CLMN: variants seen among roughly 807,000 people sequenced by gnomAD.
CLMN encodes calmin, also known as calmin (calponin-like, transmembrane).
Under a neutral mutation model 92.7 loss-of-function variants are expected in CLMN, and 57 were observed. The observed-to-expected ratio is 0.61, with a 90% CI of 0.50 to 0.77. CLMN has a LOEUF of 0.77. Ranked by LOEUF, CLMN falls within the 30% of genes least tolerant of loss-of-function variation. CLMN has a pLI of 0.00. For missense variants in CLMN, 1,158 were observed against 1,237.5 expected, an observed-to-expected ratio of 0.94 and a Z score of 0.96; for synonymous variants, 466 against 470.6, an observed-to-expected ratio of 0.99 and a Z score of 0.13.
In CLMN at chr14:95,246,052, T is replaced by C. The variant is rs140840017; in HGVS notation, c.83-15919A>G. On this transcript the variant is annotated intron_variant, in intron 1 of 12. Coordinates refer to ENST00000298912, the MANE Select transcript of CLMN (RefSeq NM_024734.4). ...TTATTTTTTGCATATTCTGATGTTG[T>C]GACATCTGGGACTCTGCTAATACTA... Among the ~76,000 whole-genome samples, 4 of 152,344 alleles carry C rather than the reference T, an allele frequency of 2.6e-5. No homozygotes were observed. The East Asian group carries it at 7.7e-4, about 29-fold the overall frequency.
intron 1 of CLMN, among the ~76,000 whole-genome samples, chr14:95,275,438 C>T (rs1039395333): frequency 7.2e-5 from 11 of 152,160 alleles, no homozygotes; most frequent in African/African-American, 2.4e-4. Flanking sequence ...CTACAAGACA[C>T]TCCCACCAGC....
intron 1 of CLMN, among the ~76,000 whole-genome samples, chr14:95,304,538 C>A (rs539925056): frequency 2.0e-5 from 3 of 152,074 alleles, no homozygotes; most frequent in African/African-American, 4.8e-5. Context: ...TCCCCTCCCC[C>A]ACATCTCCCA....
chr14:95,200,520 G>A (rs1289919176), intron 9 of CLMN, among the ~76,000 whole-genome samples: 1 of 152,162 alleles, frequency 6.6e-6, no homozygotes. Flanking sequence ...ATCCAGCAGG[G>A]CATGGCCAAT....
intron 1 of CLMN, among the ~76,000 whole-genome samples, chr14:95,273,077 C>G (rs1899777825): frequency 6.6e-6 from 1 of 152,196 alleles, no homozygotes; most frequent in Non-Finnish European, 1.5e-5. Context: ...CCCCTACACA[C>G]TATTTAGCAT....
chr14:95,245,259 A>T (rs1898494171), intron 1 of CLMN, among the ~76,000 whole-genome samples: 1 of 41,758 alleles, frequency 2.4e-5, no homozygotes, highest in Non-Finnish European at 3.8e-5. Flanking sequence ...TATATAATAT[A>T]TATATATATA....
Position 95,187,908 on chromosome 14 carries a change from A to T in CLMN, c.*3656T>A, listed in dbSNP as rs530571323. ...AAGGTGTCCTTTGCCAGTCAAGCCA[A>T]GTGCTCATGGGGACTTCTGCCCAGA... On this transcript the variant is annotated 3_prime_UTR_variant, in exon 13 of 13. Transcript: ENST00000298912. 6.6e-6 allele frequency: 1 copy of T among 152,384 alleles called. No homozygotes were observed. The highest frequency in any genetic ancestry group is 1.5e-5 in the Non-Finnish European group (1 of 68,050). The allele number at this position is 152,384 out of a possible 1,614,324, so 9.4% of individuals were successfully genotyped here.
At chr14:95,264,632 C>G (rs1184293110) in intron 1 of CLMN, among the ~76,000 whole-genome samples, 1 of 152,166 alleles carries the variant, frequency 6.6e-6, no homozygotes, top group African/African-American at 2.4e-5. Context: ...GGAAAGCCCC[C>G]ACTTCTATGA....
chr14:95,205,166 G>A (rs1332417726), intron 8 of CLMN, among the ~76,000 whole-genome samples: 1 of 152,184 alleles, frequency 6.6e-6, no homozygotes, highest in East Asian at 1.9e-4. Flanking sequence ...TATTGACGCT[G>A]ATATGATCAA....
intron 1 of CLMN, among the ~76,000 whole-genome samples, chr14:95,261,751 A>G (rs992797534): frequency 2.0e-5 from 3 of 152,244 alleles, no homozygotes; most frequent in African/African-American, 7.2e-5. Context: ...CCACAGGTCC[A>G]CCCGCTCCTC....
intron 1 of CLMN, among the ~76,000 whole-genome samples, chr14:95,262,114 G>A (rs188015419): frequency 6.6e-5 from 10 of 152,288 alleles, no homozygotes; most frequent in East Asian, 1.9e-4. Flanking sequence ...AACTCTCCAC[G>A]TGTCTCCCCA....
rs557309984 is a variant in CLMN at position 95,186,670 on chromosome 14, T to A, written c.*4894A>T. ...ACCTCAAAGTCATGGGCTCAAACAA[T>A]TCTCCTGCCTCATCCTCCTGAGTAG... On this transcript the variant is annotated 3_prime_UTR_variant, in exon 13 of 13. Coordinates refer to ENST00000298912, the MANE Select transcript of CLMN (RefSeq NM_024734.4). The A allele has an allele frequency of 6.6e-6, 1 of 152,340 alleles. No individual in the cohort carries two copies. The highest frequency in any genetic ancestry group is 2.4e-5 in the African/African-American group (1 of 41,566). 9.4% of individuals were successfully genotyped at this position (152,340 alleles called of 1,614,324 possible).
rs746520394 is a variant in CLMN, at chr14:95,203,505, T to C, written c.1844A>G (p.Lys615Arg). ...LGKRSIKSAHKKKDSPEPQVK... is the reference protein window; with the variant it reads ...LGKRSIKSAHRKKDSPEPQVK... Reference sequence around the variant, plus strand: ...TTGAGGCTCTGGCGAATCCTTCTTTTTGTGAGCAGATTTAATACTCCTTTT... The same window carrying C: ...TTGAGGCTCTGGCGAATCCTTCTTTCTGTGAGCAGATTTAATACTCCTTTT... The change falls in exon 9 of 13, where the codon AAA (lysine) becomes AGA (arginine). Residue 615 changes from lysine to arginine, a missense_variant. Coordinates refer to ENST00000298912, the MANE Select transcript of CLMN (RefSeq NM_024734.4). 2 of 1,614,160 alleles carry C rather than the reference T, an allele frequency of 1.2e-6. No individual in the cohort carries two copies. Among genetic ancestry groups the C allele is most frequent in the Non-Finnish European group, 1.7e-6 (2 of 1,180,028 alleles).
chr14:95,198,474 C>G (rs983916194), intron 9 of CLMN, among the ~76,000 whole-genome samples: 8 of 152,158 alleles, frequency 5.3e-5, no homozygotes, highest in Non-Finnish European at 1.2e-4. Flanking sequence ...GTACCCTCCC[C>G]CTACGCTCAC....
rs546790140 is a variant in CLMN, at chr14:95,294,253, T to C, written c.82+25458A>G. ...AGACTACAAAGATGAGGAAAAGGCA[T>C]GGCCCCTGCTTGCACGGGGAAGACA... On this transcript the variant is annotated intron_variant, in intron 1 of 12. Transcript: ENST00000298912. The surrounding 1 kb of genome is among the most constrained non-coding windows in gnomAD (Gnocchi z 4.2). Among the ~76,000 whole-genome samples the C allele has an allele frequency of 1.4e-4, 21 of 152,338 alleles. No individual in the cohort carries two copies. In the South Asian group the frequency reaches 4.3e-3, roughly 32 times the overall value.
intron 1 of CLMN, among the ~76,000 whole-genome samples, chr14:95,317,918 T>G (rs2140809905): frequency 6.6e-6 from 1 of 152,344 alleles, no homozygotes; most frequent in Non-Finnish European, 1.5e-5. Flanking sequence ...AACTGATGTT[T>G]GCCTAAAAGT....
chr14:95,263,420 G>A lies in CLMN; in HGVS notation c.83-33287C>T, dbSNP rs575750414. 8.1e-4 allele frequency among the ~76,000 whole-genome samples: 124 copies of A among 152,304 alleles called. 1 individual carries two copies. In the South Asian group the frequency reaches 0.015, roughly 18 times the overall value. On this transcript the variant is annotated intron_variant, in intron 1 of 12. Transcript: ENST00000298912. ...AACTACAATTCAAGATGAGATCTGGGTGGGGACACAGCCAAACCCTATTAC... is the reference window on the plus strand; with the variant it reads ...AACTACAATTCAAGATGAGATCTGGATGGGGACACAGCCAAACCCTATTAC...
chr14:95,266,075 G>T (rs775100704), intron 1 of CLMN, among the ~76,000 whole-genome samples: 7 of 152,196 alleles, frequency 4.6e-5, no homozygotes, highest in Non-Finnish European at 8.8e-5. Context: ...TTTGATTTGG[G>T]AATTTACAAA....
intron 1 of CLMN, among the ~76,000 whole-genome samples, chr14:95,299,016 T>C (rs1900927178): frequency 6.6e-6 from 1 of 152,248 alleles, no homozygotes; most frequent in African/African-American, 2.4e-5. Context: ...TTTATTTATA[T>C]GTTTATTCAT....
intron 1 of CLMN, among the ~76,000 whole-genome samples, chr14:95,313,419 A>G (rs368606848): frequency 1.7e-4 from 26 of 152,360 alleles, no homozygotes; most frequent in African/African-American, 6.3e-4. Flanking sequence ...ATGCAAATAA[A>G]TGGGTGTGTC....
Sources: gnomAD v4.1 joint callset for allele counts (sites outside exome capture counted in the v4.1 genomes callset) on GRCh38, gnomAD v4.1.1 for gene constraint, Gnocchi (gnomAD v3.1) non-coding constraint, MANE v1.5 for transcripts, NCBI Gene and HGNC (gene_info 2026-07-23, HGNC 2026-07-21) for gene names.